NME8: variants seen among roughly 807,000 people sequenced by gnomAD.
NME8 encodes NME/NM23 family member 8.
Under a neutral mutation model 82.3 loss-of-function variants are expected in NME8, and 72 were observed. That is an observed-to-expected ratio of 0.87 (90% CI 0.72 to 1.06). NME8 has a LOEUF of 1.06. Ranked by LOEUF, NME8 falls within the 50% of genes least tolerant of loss-of-function variation. NME8 has a pLI of 0.00. For missense variants in NME8, 712 were observed against 685.4 expected, an observed-to-expected ratio of 1.04 and a Z score of -0.43; for synonymous variants, 267 against 228.5, an observed-to-expected ratio of 1.17 and a Z score of -1.52.
In NME8 at chr7:37,867,783, C is replaced by G. The variant is rs1287510405; in HGVS notation, c.703C>G (p.Pro235Ala). The G allele has an allele frequency of 3.1e-6, 5 of 1,613,498 alleles. No homozygotes were observed. Among genetic ancestry groups the G allele is most frequent in the Non-Finnish European group, 4.2e-6 (5 of 1,179,612 alleles). Residue 235 changes from proline to alanine, a missense_variant, in exon 11 of 18, where the codon CCT becomes GCT. Transcript: ENST00000199447. ...TGTATCTCAAGGAAGTAAACACAATCCTCCCTCTGAAGAAACCGAACCACA... is the reference window on the plus strand; with the variant it reads ...TGTATCTCAAGGAAGTAAACACAATGCTCCCTCTGAAGAAACCGAACCACA... ...LVVSQGSKHN[P>A]PSEETEPQTD...
At chr7:37,877,540 A>C (rs1377061366) in intron 12 of NME8, among the ~76,000 whole-genome samples, 2 of 152,200 alleles carry the variant, frequency 1.3e-5, no homozygotes, top group Non-Finnish European at 2.9e-5. Context: ...ATATATGGAA[A>C]CATAATTACC....
intron 10 of NME8, 132 bp from the exon 11 acceptor site, chr7:37,867,570 T>C (rs1784705793): frequency 2.8e-6 from 2 of 721,876 alleles, no homozygotes; most frequent in South Asian, 3.1e-5. Flanking sequence ...TAACAGGAGA[T>C]TTATAAGAGT....
chr7:37,894,439 A>G, intron 15 of NME8, 27 bp from the exon 16 acceptor site: 2 of 1,608,162 alleles, frequency 1.2e-6, no homozygotes, highest in Non-Finnish European at 1.7e-6. Flanking sequence ...GCAATCTGCA[A>G]TATTATCAAA....
At chr7:37,865,383 A>G in intron 9 of NME8, 142 bp from the exon 10 acceptor site, 1 of 664,782 alleles carries the variant, frequency 1.5e-6, no homozygotes, top group Non-Finnish European at 2.7e-6. Flanking sequence ...GCCACTTCAA[A>G]CCAAGTGTCC....
chr7:37,855,164 C>A (rs2131941303), intron 5 of NME8, among the ~76,000 whole-genome samples: 1 of 152,160 alleles, frequency 6.6e-6, no homozygotes, highest in East Asian at 1.9e-4. Flanking sequence ...TGATGTCGAC[C>A]TCATGGGATT....
chr7:37,869,502 C>T (rs905577123), intron 11 of NME8, among the ~76,000 whole-genome samples: 1 of 152,114 alleles, frequency 6.6e-6, no homozygotes, highest in East Asian at 1.9e-4. Context: ...AGTAAACCTC[C>T]ATTACAACCA....
At chr7:37,898,672 T>C (rs1164967164) in intron 17 of NME8, among the ~76,000 whole-genome samples, 3 of 152,144 alleles carry the variant, frequency 2.0e-5, no homozygotes, top group Non-Finnish European at 4.4e-5. Flanking sequence ...CAAGCAATTA[T>C]AGAGAGAAAA....
chr7:37,870,406 T>C (rs1301981901), intron 11 of NME8, among the ~76,000 whole-genome samples: 2 of 151,808 alleles, frequency 1.3e-5, no homozygotes. Flanking sequence ...CTGATCAACA[T>C]GGTGAAACCC....
intron 9 of NME8, among the ~76,000 whole-genome samples, chr7:37,865,300 G>A (rs562036366): frequency 3.9e-5 from 6 of 152,322 alleles, no homozygotes; most frequent in Admixed American, 3.9e-4. Flanking sequence ...TGGCCAAAAT[G>A]AAGGGGCTAC....
chr7:37,875,497 T>A (rs977751499), intron 11 of NME8, among the ~76,000 whole-genome samples: 2 of 151,932 alleles, frequency 1.3e-5, no homozygotes, highest in Non-Finnish European at 2.9e-5. Flanking sequence ...GGGACAGTGT[T>A]AACAGTTGGT....
At chr7:37,896,737 A>C (rs1785234273) in intron 16 of NME8, 133 bp from the exon 17 acceptor site, 1 of 750,578 alleles carries the variant, frequency 1.3e-6, no homozygotes, top group East Asian at 2.5e-5. Context: ...AAGAAAGTAC[A>C]TGATTGCACT....
intron 10 of NME8, 106 bp downstream of exon 10, chr7:37,865,723 A>G: frequency 1.3e-6 from 1 of 743,262 alleles, no homozygotes; most frequent in South Asian, 1.5e-5. Context: ...CTGAACAACT[A>G]AAATAAGCTC....
chr7:37,877,340 G>A (rs968596698), intron 12 of NME8, among the ~76,000 whole-genome samples: 8 of 152,102 alleles, frequency 5.3e-5, no homozygotes, highest in Non-Finnish European at 1.0e-4. Context: ...ACTTGAACAA[G>A]ATATTTTACC....
Position 37,898,016 on chromosome 7 carries a change from A to T in NME8, c.*15+909A>T, listed in dbSNP as rs564498000. On this transcript the variant is annotated intron_variant, in intron 17 of 17. Transcript: ENST00000199447. ...TTTATATTCCTTTGGGTATAAACCT[A>T]GTAATGAAATTACTGGATCAAATGG... 3.9e-5 allele frequency among the ~76,000 whole-genome samples: 6 copies of T among 152,342 alleles called. No homozygotes were observed. In the South Asian group the frequency reaches 1.2e-3, roughly 32 times the overall value.
intron 15 of NME8, among the ~76,000 whole-genome samples, chr7:37,893,602 T>G (rs1314409026): frequency 2.0e-5 from 3 of 152,182 alleles, no homozygotes; most frequent in African/African-American, 7.2e-5. Flanking sequence ...ATTTTTACCA[T>G]GCTTAACACA....
Position 37,865,551 on chromosome 7 carries a change from A to G in NME8, c.555A>G (p.Glu185=). 1 of 1,612,934 alleles carries G rather than the reference A, an allele frequency of 6.2e-7. No homozygotes were observed. Among genetic ancestry groups the G allele is most frequent in the East Asian group, 2.2e-5 (1 of 44,838 alleles). The part of the protein sequence containing the change: ...RKITKAGFII[E]AEHKTVLTEE... Reference sequence around the variant, plus strand: ...TTACCAAAGCTGGATTTATTATAGAAGCAGAGCATAAGACAGTGCTCACTG... The same window carrying G: ...TTACCAAAGCTGGATTTATTATAGAGGCAGAGCATAAGACAGTGCTCACTG... The change falls in exon 10 of 18, where the codon GAA becomes GAG. Residue 185 remains glutamate, a synonymous_variant. Coordinates refer to ENST00000199447, the MANE Select transcript of NME8 (RefSeq NM_016616.5).
At chr7:37,858,578 T>C (rs1301138383) in intron 6 of NME8, among the ~76,000 whole-genome samples, 2 of 152,114 alleles carry the variant, frequency 1.3e-5, no homozygotes, top group East Asian at 1.9e-4. Flanking sequence ...CTAAACTAGA[T>C]GTCATTACAC....
intron 10 of NME8, among the ~76,000 whole-genome samples, chr7:37,866,492 G>A (rs1784684508): frequency 6.6e-6 from 1 of 152,090 alleles, no homozygotes; most frequent in African/African-American, 2.4e-5. Flanking sequence ...CCCCACCTCA[G>A]ACTTACTAAA....
intron 6 of NME8, among the ~76,000 whole-genome samples, chr7:37,858,569 T>G (rs973993252): frequency 6.6e-6 from 1 of 152,110 alleles, no homozygotes; most frequent in Non-Finnish European, 1.5e-5. Flanking sequence ...TGCTGACTCC[T>G]AAACTAGATG....
Sources: allele counts gnomAD v4.1 joint callset (sites outside exome capture counted in the v4.1 genomes callset), GRCh38; gene constraint gnomAD v4.1.1; transcripts MANE v1.5; gene names NCBI Gene and HGNC (gene_info 2026-07-23, HGNC 2026-07-21).